The following TCP11L2 variants were observed in gnomAD, a reference collection of about 807,000 sequenced individuals.
TCP11L2 encodes the protein t-complex 11 like 2.
TCP11L2 carries 39 observed loss-of-function variants against 50.7 expected under a neutral mutation model. The ratio of observed to expected loss-of-function variants is 0.77; its 90% confidence interval spans 0.60 to 1.01. The LOEUF is 1.01. Among genes scored for constraint, TCP11L2 ranks in the 50% least tolerant of loss-of-function variants. The pLI is 0.00. For synonymous variants in TCP11L2, 192 were observed against 219.3 expected, an observed-to-expected ratio of 0.88 and a Z score of 1.10; for missense variants, 612 against 614.7, an observed-to-expected ratio of 1.00 and a Z score of 0.05.
intron 3 of TCP11L2, among the ~76,000 whole-genome samples, chr12:106,315,247 A>G (rs1022441256): frequency 6.6e-6 from 1 of 152,110 alleles, no homozygotes; most frequent in African/African-American, 2.4e-5. Context: ...AACAAAAACA[A>G]AAACAAACAA....
rs1456674720 is a variant in TCP11L2 at position 106,321,697 on chromosome 12, A to T, written c.626A>T (p.Glu209Val). ...RELKATGNIVEVLRQIFHVLD... is the reference protein window; with the variant it reads ...RELKATGNIVVVLRQIFHVLD... ...TTAAAGGCTACTGGCAACATCGTGG[A>T]GGTGCTGAGGTTAGCACTTTTGCTG... is the stretch of plus-strand genomic sequence containing the variant. Residue 209 changes from glutamate to valine, a missense_variant, in exon 5 of 10, where the codon GAG (glutamate) becomes GTG (valine). Transcript: ENST00000299045. 1.2e-6 allele frequency: 2 copies of T among 1,613,894 alleles called. No homozygotes were observed. Among genetic ancestry groups the T allele is most frequent in the African/African-American group, 1.3e-5 (1 of 74,926 alleles).
intron 9 of TCP11L2, among the ~76,000 whole-genome samples, chr12:106,342,461 C>T (rs2036118111): frequency 6.6e-6 from 1 of 152,144 alleles, no homozygotes; most frequent in Non-Finnish European, 1.5e-5. Flanking sequence ...AGCATGTTGT[C>T]CCCAGCTGAA....
At chr12:106,337,003 C>A (rs945647309) in intron 8 of TCP11L2, among the ~76,000 whole-genome samples, 1 of 152,326 alleles carries the variant, frequency 6.6e-6, no homozygotes, top group Non-Finnish European at 1.5e-5. Context: ...TCCAGTATTA[C>A]ACCTTCATGA....
At chr12:106,323,731 AAT>A (rs2035435599) in intron 6 of TCP11L2, 85 bp downstream of exon 6, 10 of 470,462 alleles carry the variant, frequency 2.1e-5, no homozygotes, top group Admixed American at 1.3e-4. Flanking sequence ...AATTAAATTA[AAT>A]TAAATTAAAT....
intron 6 of TCP11L2, chr12:106,325,383 A>G (rs2035500233): frequency 6.6e-6 from 1 of 152,468 alleles, no homozygotes; most frequent in Non-Finnish European, 1.5e-5. Flanking sequence ...AATGGAGACT[A>G]TGAGGGAGTA....
intron 6 of TCP11L2, among the ~76,000 whole-genome samples, chr12:106,326,540 C>A (rs564973531): frequency 3.3e-4 from 51 of 152,294 alleles, no homozygotes; most frequent in South Asian, 1.7e-3. Flanking sequence ...GCACTTACTA[C>A]ATGCTAAGTC....
At chr12:106,307,771 C>T (rs2136610107) in intron 1 of TCP11L2, among the ~76,000 whole-genome samples, 1 of 152,246 alleles carries the variant, frequency 6.6e-6, no homozygotes, top group East Asian at 1.9e-4. Context: ...GTTATCCTGA[C>T]ATAAAACTGT....
At chr12:106,329,919 T>G in intron 6 of TCP11L2, 2 of 985,702 alleles carry the variant, frequency 2.0e-6, no homozygotes, top group South Asian at 9.4e-5. Flanking sequence ...ATTCTGGGGG[T>G]GGTGTTGCTT....
chr12:106,314,733 C>T lies in TCP11L2; in HGVS notation c.293+240C>T, dbSNP rs183280914. ...AAAAAATTCTCGCTGGGTGTGATAGCTCACACCTGTAACCCCATCACTTTG... is the reference window on the plus strand; with the variant it reads ...AAAAAATTCTCGCTGGGTGTGATAGTTCACACCTGTAACCCCATCACTTTG... On this transcript the variant is annotated intron_variant, in intron 3 of 9. Coordinates refer to ENST00000299045, the MANE Select transcript of TCP11L2 (RefSeq NM_152772.3). Among the ~76,000 whole-genome samples, 521 of 152,170 alleles carry T rather than the reference C, an allele frequency of 3.4e-3. 10 individuals carry two copies. Among genetic ancestry groups the T allele is most frequent in the Admixed American group, 0.03 (460 of 15,272 alleles).
chr12:106,305,014 A>G (rs1304194321), intron 1 of TCP11L2, among the ~76,000 whole-genome samples: 1 of 152,152 alleles, frequency 6.6e-6, no homozygotes, highest in Non-Finnish European at 1.5e-5. Context: ...TGATGGGTAG[A>G]TGGATTTGGC....
intron 6 of TCP11L2, chr12:106,330,014 C>T (rs2035692281): frequency 6.1e-6 from 6 of 985,440 alleles, no homozygotes; most frequent in Non-Finnish European, 7.2e-6. Context: ...CTACTCTGCA[C>T]CTGTGTTCAG....
At chr12:106,302,410 C>CCCCGCT (rs1300373376), upstream of TCP11L2, among the ~76,000 whole-genome samples, 2 of 139,028 alleles carry the variant, frequency 1.4e-5, no homozygotes, top group Non-Finnish European at 3.1e-5. Flanking sequence ...CCCGCTCAGC[C>CCCCGCT]CCCGCTCCCC....
At chr12:106,302,399 CCCCGCTCAG>C (rs1467130905), upstream of TCP11L2, among the ~76,000 whole-genome samples, 1 of 84,444 alleles carries the variant, frequency 1.2e-5, no homozygotes, top group Non-Finnish European at 2.4e-5. Flanking sequence ...CCCGCTCAGC[CCCCGCTCAG>C]CCCCCGCTCC....
intron 6 of TCP11L2, among the ~76,000 whole-genome samples, chr12:106,328,909 C>T (rs541876366): frequency 6.6e-6 from 1 of 152,298 alleles, no homozygotes; most frequent in African/African-American, 2.4e-5. Context: ...CCACTCAGAT[C>T]CCGGGAAGGA....
Position 106,318,529 on chromosome 12 carries a change from G to T in TCP11L2, c.414+65G>T, listed in dbSNP as rs1042045233. On this transcript the variant is annotated intron_variant, in intron 4 of 9. Coordinates refer to ENST00000299045, the MANE Select transcript of TCP11L2 (RefSeq NM_152772.3). ...CCAGGTGGGCTGCTATAACAGACTG[G>T]CATAGCCTGGGTGGCTTATAAACAA... The T allele has an allele frequency of 4.6e-5, 73 of 1,588,100 alleles. No homozygotes were observed. The East Asian group carries it at 1.6e-3, about 35-fold the overall frequency.
At chr12:106,344,919 C>T (rs2036188060) in intron 9 of TCP11L2, among the ~76,000 whole-genome samples, 2 of 152,152 alleles carry the variant, frequency 1.3e-5, no homozygotes, top group African/African-American at 4.8e-5. Context: ...GAAGGTGGCA[C>T]AATGGTGTGC....
chr12:106,329,333 A>G, intron 6 of TCP11L2: 12 of 1,536,144 alleles, frequency 7.8e-6, no homozygotes, highest in African/African-American at 1.4e-5. Flanking sequence ...TCCCCAGGAA[A>G]AGCCGAGGTT....
Position 106,335,784 on chromosome 12 carries a change from G to A in TCP11L2, c.918G>A (p.Leu306=), listed in dbSNP as rs150065713. The stretch of plus-strand genomic sequence containing the variant: ...CTTTGGTGCTAAATAATAGTTACTT[G>A]AAACTGTTACAGTGGGATTATCAGA... ...SPTLVLNNSY[L]KLLQWDYQKK... Residue 306 remains leucine, a synonymous_variant, in exon 7 of 10, where the codon TTG becomes TTA. Transcript: ENST00000299045. The A allele has an allele frequency of 3.3e-5, 53 of 1,614,208 alleles. 1 individual carries two copies. The South Asian group carries it at 5.8e-4, about 18-fold the overall frequency.
chr12:106,329,497 T>G (rs1447081929), intron 6 of TCP11L2: 16 of 1,498,644 alleles, frequency 1.1e-5, no homozygotes, highest in Non-Finnish European at 1.4e-5. Context: ...CATTCTCAAG[T>G]CTGACTACAA....
Sources: gnomAD v4.1 joint callset for allele counts (sites outside exome capture counted in the v4.1 genomes callset) on GRCh38, gnomAD v4.1.1 for gene constraint, MANE v1.5 for transcripts, NCBI Gene and HGNC (gene_info 2026-07-23, HGNC 2026-07-21) for gene names.